Variants in SHISAL2B observed in about 807,000 individuals in gnomAD.
SHISAL2B encodes the protein shisa like 2B.
In SHISAL2B, 12 loss-of-function variants were observed where a neutral mutation model predicts 16.5. That is an observed-to-expected ratio of 0.73 (90% CI 0.47 to 1.18). SHISAL2B has a LOEUF of 1.18. Ranked by LOEUF, SHISAL2B falls within the 50% of genes most tolerant of loss-of-function variation. The pLI is 0.00. For synonymous variants in SHISAL2B, 72 were observed against 75.0 expected, an observed-to-expected ratio of 0.96 and a Z score of 0.21; for missense variants, 183 against 193.6, an observed-to-expected ratio of 0.95 and a Z score of 0.33.
chr5:64,695,158 G>A (rs192797595), intron 1 of SHISAL2B, among the ~76,000 whole-genome samples: 11 of 152,092 alleles, frequency 7.2e-5, no homozygotes, highest in East Asian at 5.8e-4. Context: ...CCAGCTACTC[G>A]GGAGGCTGAG....
At chr5:64,692,573 A>C (rs1191274931) in intron 1 of SHISAL2B, among the ~76,000 whole-genome samples, 1 of 152,184 alleles carries the variant, frequency 6.6e-6, no homozygotes, top group Non-Finnish European at 1.5e-5. Flanking sequence ...CTCCTAATTT[A>C]AAATAGTCCA....
At chr5:64,712,878 T>G (rs1173129708) in intron 2 of SHISAL2B, among the ~76,000 whole-genome samples, 1 of 150,102 alleles carries the variant, frequency 6.7e-6, no homozygotes, top group Non-Finnish European at 1.5e-5. Flanking sequence ...CTTTTTTTGT[T>G]TTCCATTTGC....
At chr5:64,696,803 A>G (rs953124712) in intron 2 of SHISAL2B, among the ~76,000 whole-genome samples, 3 of 152,252 alleles carry the variant, frequency 2.0e-5, no homozygotes, top group African/African-American at 7.2e-5. Context: ...TGCTGAAAGT[A>G]GACCCTTATC....
chr5:64,694,451 A>T (rs1741699357), intron 1 of SHISAL2B, among the ~76,000 whole-genome samples: 1 of 152,164 alleles, frequency 6.6e-6, no homozygotes, highest in East Asian at 1.9e-4. Context: ...TTTTTTTCCC[A>T]AGCTCTTTTC....
intron 2 of SHISAL2B, among the ~76,000 whole-genome samples, chr5:64,714,540 G>T (rs889957208): frequency 4.6e-5 from 7 of 151,916 alleles, no homozygotes; most frequent in Admixed American, 1.3e-4. Context: ...GAGGCAGGCA[G>T]GCCTCCTTGA....
In SHISAL2B at chr5:64,693,958, A is replaced by G. The variant is rs1741691553; in HGVS notation, c.192-1549A>G. ...AATCTCTTCTTTGCAGGGGTGCTCT[A>G]CCTCCTGAAATCAAGGACAAGTGGA... On this transcript the variant is annotated intron_variant, in intron 1 of 2. Coordinates refer to ENST00000389074, the MANE Select transcript of SHISAL2B (RefSeq NM_001164442.2). 3 of 366,580 alleles carry G rather than the reference A, an allele frequency of 8.2e-6. No homozygotes were observed. In the East Asian group the frequency reaches 2.7e-4, roughly 33 times the overall value. 22.7% of individuals were successfully genotyped at this position (366,580 alleles called of 1,614,324 possible). A position where few individuals can be genotyped will look rare whatever the true frequency, so the allele number is the denominator to read the frequency against.
At chr5:64,697,194 T>C (rs191421357) in intron 2 of SHISAL2B, among the ~76,000 whole-genome samples, 90 of 152,370 alleles carry the variant, frequency 5.9e-4, no homozygotes, top group African/African-American at 2.1e-3. Flanking sequence ...GAACCAAGTA[T>C]TTGATAACTT....
chr5:64,708,498 A>G (rs1365533881), intron 2 of SHISAL2B, among the ~76,000 whole-genome samples: 1 of 152,156 alleles, frequency 6.6e-6, no homozygotes, highest in East Asian at 1.9e-4. Flanking sequence ...CCTGAATAAT[A>G]AGCCCTAATA....
chr5:64,708,110 A>G (rs1408488227), intron 2 of SHISAL2B, among the ~76,000 whole-genome samples: 1 of 152,202 alleles, frequency 6.6e-6, no homozygotes, highest in Non-Finnish European at 1.5e-5. Flanking sequence ...ATTATTAATA[A>G]CATACACTAA....
At position 64,690,828 on chromosome 5, in the gene SHISAL2B, C is replaced by G. The variant is rs1741632673; in HGVS notation, c.191+14C>G. On this transcript the variant is annotated intron_variant, in intron 1 of 2. Coordinates refer to ENST00000389074, the MANE Select transcript of SHISAL2B (RefSeq NM_001164442.2). ...GTGGAGCCTCAGGTGGGCTGAGAGC[C>G]CGCGCGTGCGGCGGCTGGCCGAGCC... 3 of 1,488,864 alleles carry G rather than the reference C, an allele frequency of 2.0e-6. No individual in the cohort carries two copies. The highest frequency in any genetic ancestry group is 2.8e-5 in the African/African-American group (2 of 70,936). 92.2% of individuals were successfully genotyped at this position (1,488,864 alleles called of 1,614,324 possible).
intron 2 of SHISAL2B, among the ~76,000 whole-genome samples, chr5:64,709,475 G>C (rs1410049347): frequency 7.0e-6 from 1 of 142,756 alleles, no homozygotes; most frequent in African/African-American, 2.7e-5. Context: ...CTTTGCTATT[G>C]TGAATAATGC....
chr5:64,698,790 G>A (rs1420093681), intron 2 of SHISAL2B, among the ~76,000 whole-genome samples: 1 of 152,142 alleles, frequency 6.6e-6, no homozygotes, highest in Non-Finnish European at 1.5e-5. Context: ...TATCCCCAGT[G>A]CCTAGAATAC....
intron 2 of SHISAL2B, 110 bp downstream of exon 2, chr5:64,695,774 C>A: frequency 2.6e-6 from 2 of 759,996 alleles, no homozygotes; most frequent in South Asian, 3.7e-5. Context: ...AAATTCAGTT[C>A]ACTATGTGTC....
chr5:64,700,699 CA>C (rs1424638149), intron 2 of SHISAL2B, among the ~76,000 whole-genome samples: 1 of 152,204 alleles, frequency 6.6e-6, no homozygotes, highest in Non-Finnish European at 1.5e-5. Context: ...AGGCATGAGC[CA>C]CTGTGCCTGG....
chr5:64,717,018 G>A (rs1044093042), intron 2 of SHISAL2B, among the ~76,000 whole-genome samples: 8 of 152,190 alleles, frequency 5.3e-5, no homozygotes, highest in African/African-American at 1.9e-4. Context: ...TGTAGGGTGA[G>A]AGAAAAGAGA....
intron 2 of SHISAL2B, among the ~76,000 whole-genome samples, chr5:64,712,358 A>T (rs1438814902): frequency 5.6e-4 from 85 of 152,086 alleles, no homozygotes; most frequent in African/African-American, 1.9e-3. Flanking sequence ...TTTGAGTGAG[A>T]TTATTAATCC....
Position 64,691,006 on chromosome 5 carries a change from C to T in SHISAL2B, c.191+192C>T, listed in dbSNP as rs552175983. 1.6e-3 allele frequency among the ~76,000 whole-genome samples: 242 copies of T among 152,344 alleles called. 2 individuals are homozygous for T. In the Middle Eastern group the frequency reaches 0.017, roughly 11 times the overall value. On this transcript the variant is annotated intron_variant, in intron 1 of 2. Transcript: ENST00000389074. ...AGAGAAATCTCGCCCCGGCTCGGAG[C>T]TCCCCCGGGAGCCAGGACAGGAGGC...
At position 64,703,126 on chromosome 5, in the gene SHISAL2B, T is replaced by C. The variant is rs1014997036; in HGVS notation, c.349+7462T>C. 5.3e-5 allele frequency among the ~76,000 whole-genome samples: 8 copies of C among 152,326 alleles called. No homozygotes were observed. In the East Asian group the frequency reaches 1.5e-3, roughly 29 times the overall value. On this transcript the variant is annotated intron_variant, in intron 2 of 2. Transcript: ENST00000389074. The stretch of plus-strand genomic sequence containing the variant: ...TCCAATCTTAAAAAGACAAATGGTA[T>C]TTTGATGGGTTTTGTACTAAATTTA...
intron 1 of SHISAL2B, among the ~76,000 whole-genome samples, chr5:64,692,891 A>G (rs1202868477): frequency 1.3e-5 from 2 of 152,184 alleles, no homozygotes. Context: ...GGACAGGGCC[A>G]TGCACGAGTG....
Sources: gnomAD v4.1 joint callset for allele counts (sites outside exome capture counted in the v4.1 genomes callset) on GRCh38, gnomAD v4.1.1 for gene constraint, MANE v1.5 for transcripts, NCBI Gene and HGNC (gene_info 2026-07-23, HGNC 2026-07-21) for gene names.